The following PARP1 variants were observed in gnomAD, a reference collection of about 807,000 sequenced individuals.
PARP1 encodes poly(ADP-ribose) polymerase 1.
PARP1 carries 44 observed loss-of-function variants against 118.7 expected under a neutral mutation model. That is an observed-to-expected ratio of 0.37 (90% CI 0.29 to 0.48). PARP1 has a LOEUF of 0.48. PARP1 is among the 20% of genes least tolerant of loss of function. PARP1 has a pLI of 0.99. For synonymous variants in PARP1, 492 were observed against 483.2 expected (o/e 1.02, Z -0.24); for missense variants, 1,100 against 1,272.4 (o/e 0.86, Z 2.06).
intron 5 of PARP1, 114 bp downstream of exon 5, chr1:226,388,542 A>T: frequency 2.6e-6 from 2 of 767,334 alleles, no homozygotes; most frequent in Non-Finnish European, 2.4e-6. Context: ...AACTGCCATC[A>T]ATTTGCTAAA....
rs760709627 is a variant in PARP1 at position 226,402,197 on chromosome 1, C to T, written c.286+17G>A. The T allele has an allele frequency of 1.9e-5, 30 of 1,614,050 alleles. No individual in the cohort carries two copies. The South Asian group carries it at 3.1e-4, about 17-fold the overall frequency. On this transcript the variant is annotated intron_variant, in intron 2 of 22. Transcript: ENST00000366794. ...GGGTGGGGGCTGAATGCCCATGCTG[C>T]CCCAGTATGTACACACCTGTCACTC...
intron 20 of PARP1, among the ~76,000 whole-genome samples, chr1:226,363,477 A>G (rs747658): frequency 0.22 from 33,109 of 152,032 alleles, 4,240 homozygotes; most frequent in African/African-American, 0.34. Context: ...GGCCTTTTAC[A>G]TGACCTTGTG....
rs1665167202 is a variant in PARP1, at chr1:226,407,272, T to C, written c.120+538A>G. 2.6e-5 allele frequency among the ~76,000 whole-genome samples: 4 copies of C among 151,794 alleles called. No homozygotes were observed. The South Asian group carries it at 6.2e-4, about 24-fold the overall frequency. ...AATTAGGCTCAAAGTGAATGTACTG[T>C]ACAGAAATGACACCTTTCTGCATAG... On this transcript the variant is annotated intron_variant, in intron 1 of 22. Transcript: ENST00000366794.
chr1:226,399,406 G>A (rs1487188750), intron 2 of PARP1, among the ~76,000 whole-genome samples: 1 of 152,126 alleles, frequency 6.6e-6, no homozygotes, highest in Non-Finnish European at 1.5e-5. Flanking sequence ...TTGCTAGTGA[G>A]AGAAGCCAAT....
At position 226,408,057 on chromosome 1, in the gene PARP1, C is replaced by A; in HGVS notation, c.-128G>T. The A allele has an allele frequency of 7.4e-7, 1 of 1,358,994 alleles. No individual in the cohort carries two copies. The highest frequency in any genetic ancestry group is 1.0e-6 in the Non-Finnish European group (1 of 977,292). 84.2% of individuals were successfully genotyped at this position (1,358,994 alleles called of 1,614,324 possible). ...GAGCGGCCAGAGCCGCCACCGAACA[C>A]GCCGCACCGGCCACCGCCGTTCCCT... On this transcript the variant is annotated 5_prime_UTR_variant, in exon 1 of 23. Transcript: ENST00000366794.
intron 19 of PARP1, 127 bp downstream of exon 19, chr1:226,364,875 G>A: frequency 9.4e-7 from 1 of 1,060,336 alleles, no homozygotes; most frequent in South Asian, 1.3e-5. Flanking sequence ...GGATAAAAGG[G>A]TGAAGGCCCA....
At chr1:226,400,029 TA>T (rs1361633264) in intron 2 of PARP1, among the ~76,000 whole-genome samples, 8 of 151,352 alleles carry the variant, frequency 5.3e-5, no homozygotes, top group Non-Finnish European at 8.8e-5. Flanking sequence ...AGTTTACATA[TA>T]AAAAAAGGTT....
chr1:226,366,432 G>C, intron 17 of PARP1: 1 of 302,594 alleles, frequency 3.3e-6, no homozygotes, highest in Non-Finnish European at 6.5e-6. Context: ...ATGGGCCAGA[G>C]GAAGTCACAG....
chr1:226,378,441 T>A (rs1440334562), intron 12 of PARP1, among the ~76,000 whole-genome samples: 1 of 152,018 alleles, frequency 6.6e-6, no homozygotes, highest in Non-Finnish European at 1.5e-5. Context: ...CCTCTTTAGT[T>A]ACTAGGGAGT....
At chr1:226,383,289 C>T (rs1374448166) in intron 7 of PARP1, 106 bp from the exon 8 acceptor site, 10 of 893,274 alleles carry the variant, frequency 1.1e-5, no homozygotes, top group African/African-American at 3.4e-5. Flanking sequence ...CTCTTTTTTT[C>T]TTCTTACAAT....
At chr1:226,405,653 CCCACAGCTAAGCCTCCTCTAACTTCCT>C (rs1665133292) in intron 1 of PARP1, among the ~76,000 whole-genome samples, 1 of 152,136 alleles carries the variant, frequency 6.6e-6, no homozygotes, top group Non-Finnish European at 1.5e-5. Context: ...TCCGGCCTCC[CCCACAGCTAAGCCTCCTCTAACTTCCT>C]CCACAGCGGT....
chr1:226,362,390 T>G (rs1664162725), intron 21 of PARP1: 1 of 373,082 alleles, frequency 2.7e-6, no homozygotes, highest in Admixed American at 3.8e-5. Context: ...TTCACCATGT[T>G]GGCCAGGATG....
Position 226,379,946 on chromosome 1 carries a change from T to C in PARP1, c.1519A>G (p.Ser507Gly). The change falls in exon 10 of 23, where the codon AGC becomes GGC. Residue 507 changes from serine (S) to glycine (G), a missense_variant. Ser to Gly is a moderately conservative substitution (Grantham distance 56, BLOSUM62 0). Coordinates refer to ENST00000366794, the MANE Select transcript of PARP1 (RefSeq NM_001618.4). Reference sequence around the variant, plus strand: ...CCTTCCTCCTTGACCTGGCCCTTGCTTTTTTTGGAGAGCGCAGCCCCTGAC... The same window carrying C: ...CCTTCCTCCTTGACCTGGCCCTTGCCTTTTTTGGAGAGCGCAGCCCCTGAC... ...GKSGAALSKKSKGQVKEEGIN... is the reference protein window; with the variant it reads ...GKSGAALSKKGKGQVKEEGIN... The C allele has an allele frequency of 6.2e-7, 1 of 1,614,016 alleles. No individual in the cohort carries two copies. Among genetic ancestry groups the C allele is most frequent in the South Asian group, 1.1e-5 (1 of 91,072 alleles).
At chr1:226,384,943 G>A (rs1471894757) in intron 7 of PARP1, among the ~76,000 whole-genome samples, 1 of 152,318 alleles carries the variant, frequency 6.6e-6, no homozygotes, top group East Asian at 1.9e-4. Context: ...GGGAGCACAG[G>A]CAAAGGCCTC....
intron 13 of PARP1, among the ~76,000 whole-genome samples, chr1:226,375,928 A>G (rs908252586): frequency 6.6e-6 from 1 of 152,176 alleles, no homozygotes; most frequent in African/African-American, 2.4e-5. Context: ...GATATCTACC[A>G]TTACTTTAAC....
chr1:226,390,506 G>A lies in PARP1; in HGVS notation c.521C>T (p.Pro174Leu). 6.2e-7 allele frequency: 1 copy of A among 1,614,126 alleles called. No homozygotes were observed. ...CTTGAGCTGACTCGCACTGTACTCG[G>A]GCCGGAAACCCAGCTCCTCCCTGTT... is the stretch of plus-strand genomic sequence containing the variant. ...VKNREELGFR[P>L]EYSASQLKGF... is the part of the protein sequence containing the mutation. The change falls in exon 4 of 23, where the codon CCC (proline) becomes CTC (leucine). Residue 174 changes from proline (P) to leucine (L), a missense_variant. Physicochemically the swap from Pro to Leu is moderately conservative, Grantham distance 98. Around this residue, in one of 2 missense-constraint regions of PARP1, gnomAD observed 948 missense variants for 1,031.8 expected, o/e 0.92. Transcript: ENST00000366794.
rs781235145 is a variant in PARP1 at position 226,385,629 on chromosome 1, C to G, written c.886G>C (p.Glu296Gln). ...GMVFGALLPC[E>Q]ECSGQLVFKS... ...AAGACCAGCTGACCCGAGCATTCCT[C>G]GCAGGGAAGGAGGGCACCGAACACC... Residue 296 changes from glutamate to glutamine, a missense_variant, in exon 7 of 23, where the codon GAG (glutamate) becomes CAG (glutamine). This residue lies in a region of PARP1 where 948 missense variants were observed against 1,031.8 expected (regional missense o/e 0.92). Transcript: ENST00000366794. 2 of 1,614,134 alleles carry G rather than the reference C, an allele frequency of 1.2e-6. No homozygotes were observed. Among genetic ancestry groups the G allele is most frequent in the East Asian group, 2.2e-5 (1 of 44,878 alleles).
At chr1:226,376,970 TGAA>T in intron 13 of PARP1, 135 bp downstream of exon 13, 1 of 820,066 alleles carries the variant, frequency 1.2e-6, no homozygotes, top group South Asian at 1.5e-5. Flanking sequence ...GGAGAATTTG[TGAA>T]GGACTATTAT....
chr1:226,365,911 C>A, intron 18 of PARP1, 43 bp downstream of exon 18: 1 of 1,319,422 alleles, frequency 7.6e-7, no homozygotes, highest in Non-Finnish European at 1.1e-6. Flanking sequence ...CAGGGAAGAG[C>A]TGGCAGGACA....
Sources: allele counts gnomAD v4.1 joint callset (sites outside exome capture counted in the v4.1 genomes callset), GRCh38; gene constraint gnomAD v4.1.1; regional missense constraint gnomAD v4.1.1; transcripts MANE v1.5; gene names NCBI Gene and HGNC (gene_info 2026-07-23, HGNC 2026-07-21).